TRPM3: variants seen among roughly 807,000 people sequenced by gnomAD.
The protein encoded by TRPM3 is long transient receptor potential channel 3.
Under a neutral mutation model 181.2 loss-of-function variants are expected in TRPM3, and 77 were observed. The observed-to-expected ratio is 0.42, with a 90% CI of 0.35 to 0.51. The LOEUF (loss-of-function observed/expected upper bound fraction) is 0.51. TRPM3 is among the 20% of genes least tolerant of loss of function. The pLI is 0.01. For synonymous variants in TRPM3, 745 were observed against 796.4 expected (o/e 0.94, Z 1.09); for missense variants, 1,759 against 2,196.7 (o/e 0.80, Z 3.98).
intron 1 of TRPM3, among the ~76,000 whole-genome samples, chr9:71,066,263 G>C (rs2061909205): frequency 6.6e-6 from 1 of 152,194 alleles, no homozygotes; most frequent in East Asian, 1.9e-4. Context: ...ATTTGACTTA[G>C]TGACCTTTAT....
At chr9:71,231,953 A>T (rs1371860661) in intron 1 of TRPM3, among the ~76,000 whole-genome samples, 1 of 152,212 alleles carries the variant, frequency 6.6e-6, no homozygotes, top group Non-Finnish European at 1.5e-5. Flanking sequence ...TGAATAAAAG[A>T]TTTAAAAATC....
chr9:71,308,361 C>G (rs938005145), intron 1 of TRPM3, among the ~76,000 whole-genome samples: 7 of 152,036 alleles, frequency 4.6e-5, no homozygotes, highest in African/African-American at 1.7e-4. Context: ...ATGTTGTCAG[C>G]ATGAATTCAG....
chr9:70,583,182 C>T (rs753541471), intron 22 of TRPM3, among the ~76,000 whole-genome samples: 2 of 152,012 alleles, frequency 1.3e-5, no homozygotes, highest in Non-Finnish European at 2.9e-5. Context: ...TCAGAAGGGG[C>T]AACAGAAGGG....
At chr9:70,835,419 A>C (rs532736418) in intron 5 of TRPM3, among the ~76,000 whole-genome samples, 2 of 152,012 alleles carry the variant, frequency 1.3e-5, no homozygotes, top group Admixed American at 1.3e-4. Context: ...CCTTTATTCT[A>C]AACTGGTGGA....
At chr9:70,773,502 A>C (rs1181214082) in intron 7 of TRPM3, among the ~76,000 whole-genome samples, 6 of 152,278 alleles carry the variant, frequency 3.9e-5, no homozygotes, top group Non-Finnish European at 8.8e-5. Context: ...GGGGAGGGAT[A>C]AGTTTAAATT....
At chr9:70,546,671 C>T (rs1345862486) in intron 25 of TRPM3, among the ~76,000 whole-genome samples, 1 of 133,548 alleles carries the variant, frequency 7.5e-6, no homozygotes, top group Admixed American at 7.8e-5. Context: ...CACAACTCCT[C>T]ATCGGAAAAA....
intron 6 of TRPM3, among the ~76,000 whole-genome samples, chr9:70,807,461 T>C (rs2090946510): frequency 1.3e-5 from 2 of 152,222 alleles, no homozygotes; most frequent in African/African-American, 2.4e-5. Flanking sequence ...TATGTCATTA[T>C]TGCTTTATGA....
At chr9:71,125,877 TA>T (rs541339156), upstream of TRPM3, among the ~76,000 whole-genome samples, 922 of 152,302 alleles carry the variant, frequency 6.1e-3, 3 homozygotes, top group Non-Finnish European at 9.0e-3. Flanking sequence ...AAACGGGATC[TA>T]ATTAAACTAA....
chr9:71,057,626 G>A (rs1478418396), intron 1 of TRPM3, among the ~76,000 whole-genome samples: 1 of 152,038 alleles, frequency 6.6e-6, no homozygotes. Context: ...TAAAAGTTAA[G>A]TGTTATCATT....
In TRPM3 at chr9:71,313,037, A is replaced by T. The variant is rs1461752392; in HGVS notation, c.183+133616T>A. Among the ~76,000 whole-genome samples, 3 of 152,142 alleles carry T rather than the reference A, an allele frequency of 2.0e-5. No individual in the cohort carries two copies. In the East Asian group the frequency reaches 5.8e-4, roughly 29 times the overall value. The stretch of plus-strand genomic sequence containing the variant: ...CAACACCAAGAGTGAACCCTAATAT[A>T]AACTATGTGATAATGATGTGTCAAT... On this transcript the variant is annotated intron_variant, in intron 1 of 24. Transcript: ENST00000357533.
chr9:71,315,918 G>T (rs773219078), intron 1 of TRPM3, among the ~76,000 whole-genome samples: 2 of 152,076 alleles, frequency 1.3e-5, no homozygotes, highest in African/African-American at 2.4e-5. Flanking sequence ...TTATAGTTTG[G>T]TTGGGCTATA....
intron 1 of TRPM3, among the ~76,000 whole-genome samples, chr9:71,443,531 G>T (rs917268344): frequency 6.6e-6 from 1 of 152,158 alleles, no homozygotes; most frequent in African/African-American, 2.4e-5. Flanking sequence ...GTGGGCAGTG[G>T]CAGGGATAGC....
intron 1 of TRPM3, among the ~76,000 whole-genome samples, chr9:71,058,371 C>T (rs558664419): frequency 6.6e-5 from 10 of 152,020 alleles, no homozygotes; most frequent in South Asian, 2.1e-4. Flanking sequence ...AAACCAGGGA[C>T]GGAGACTGCA....
At chr9:70,673,928 G>A (rs1489505990) in intron 9 of TRPM3, among the ~76,000 whole-genome samples, 1 of 114,304 alleles carries the variant, frequency 8.7e-6, no homozygotes, top group African/African-American at 3.5e-5. Context: ...CAATCTGGGA[G>A]ACCAGAGTAA....
At chr9:71,147,420 C>CACAG (rs1303790511) in intron 1 of TRPM3, among the ~76,000 whole-genome samples, 2 of 95,412 alleles carry the variant, frequency 2.1e-5, no homozygotes, top group African/African-American at 7.7e-5. Context: ...GCCTGCAACA[C>CACAG]ACAGACACAC....
rs1161922817 is a variant in TRPM3 at position 71,296,450 on chromosome 9, C to A, written c.183+150203G>T. On this transcript the variant is annotated intron_variant, in intron 1 of 24. Transcript: ENST00000357533. ...CTAGACTAGAATACAAAGAAGGGAT[C>A]AGCCTTATGAAGATCCTGGGAAGAA... is the stretch of plus-strand genomic sequence containing the variant. Among the ~76,000 whole-genome samples, 27 of 152,098 alleles carry A rather than the reference C, an allele frequency of 1.8e-4. 1 individual carries two copies. Among genetic ancestry groups the A allele is most frequent in the Admixed American group, 1.8e-3 (27 of 15,266 alleles).
rs1191242689 is a variant in TRPM3 at position 70,563,732 on chromosome 9, G to A, written c.3224-10422C>T. Among the ~76,000 whole-genome samples, 3 of 152,192 alleles carry A rather than the reference G, an allele frequency of 2.0e-5. No individual in the cohort carries two copies. In the East Asian group the frequency reaches 5.8e-4, roughly 29 times the overall value. On this transcript the variant is annotated intron_variant, in intron 22 of 25. Transcript: ENST00000677713. The stretch of plus-strand genomic sequence containing the variant: ...GGAGGAAGGGAGAAAGGAAATGGGA[G>A]AGAGAGCAAGAGAGAAAGAGAGAAA...
chr9:70,612,527 TTACTC>T (rs1268480751), intron 18 of TRPM3, among the ~76,000 whole-genome samples: 1 of 152,220 alleles, frequency 6.6e-6, no homozygotes, highest in African/African-American at 2.4e-5. Context: ...AATATCCACT[TTACTC>T]AACTATGTAA....
chr9:71,281,304 G>A (rs2084687917), intron 1 of TRPM3, among the ~76,000 whole-genome samples: 1 of 152,196 alleles, frequency 6.6e-6, no homozygotes, highest in South Asian at 2.1e-4. Flanking sequence ...CAGTGACAGA[G>A]TTGAATGACC....
Sources: gnomAD v4.1 joint callset for allele counts (sites outside exome capture counted in the v4.1 genomes callset) on GRCh38, gnomAD v4.1.1 for gene constraint, MANE v1.5 for transcripts, NCBI Gene and HGNC (gene_info 2026-07-23, HGNC 2026-07-21) for gene names.